Variants in FTO observed in about 807,000 individuals in gnomAD.
The protein encoded by FTO is FTO alpha-ketoglutarate dependent dioxygenase.
In FTO, 47 loss-of-function variants were observed where a neutral mutation model predicts 63.9. The observed-to-expected ratio is 0.74, with a 90% CI of 0.58 to 0.94. The LOEUF (loss-of-function observed/expected upper bound fraction) is 0.94, where lower values mean the gene tolerates loss of function less well. Among genes scored for constraint, FTO ranks in the 40% least tolerant of loss-of-function variants. The pLI is 0.00. For synonymous variants in FTO, 207 were observed against 224.4 expected, an observed-to-expected ratio of 0.92 and a Z score of 0.69; for missense variants, 562 against 618.1, an observed-to-expected ratio of 0.91 and a Z score of 0.96.
At chr16:53,917,887 G>A (rs906825832) in intron 7 of FTO, among the ~76,000 whole-genome samples, 1 of 152,146 alleles carries the variant, frequency 6.6e-6, no homozygotes, top group Non-Finnish European at 1.5e-5. Context: ...GACAAGTACA[G>A]CAACTCTGCC....
intron 8 of FTO, among the ~76,000 whole-genome samples, chr16:54,092,687 T>C (rs1166244068): frequency 3.9e-5 from 6 of 152,168 alleles, no homozygotes; most frequent in African/African-American, 1.4e-4. Flanking sequence ...ATAAATCACT[T>C]TAAGTTAGCA....
At chr16:53,720,201 A>G (rs2151486203) in intron 1 of FTO, among the ~76,000 whole-genome samples, 1 of 152,222 alleles carries the variant, frequency 6.6e-6, no homozygotes, top group African/African-American at 2.4e-5. Context: ...GGAGTTTCAC[A>G]TATGCCACTT....
chr16:53,956,354 C>T (rs1017060345), intron 8 of FTO, among the ~76,000 whole-genome samples: 2 of 151,880 alleles, frequency 1.3e-5, no homozygotes, highest in African/African-American at 4.8e-5. Flanking sequence ...AAAGAGTGCT[C>T]TGGGGAGTGG....
intron 8 of FTO, chr16:53,937,313 G>C: frequency 2.5e-6 from 1 of 398,610 alleles, no homozygotes; most frequent in African/African-American, 2.1e-5. Flanking sequence ...TAACAGAAGT[G>C]GGACAGAATT....
At chr16:54,084,382 G>A (rs2086215495) in intron 8 of FTO, among the ~76,000 whole-genome samples, 1 of 152,162 alleles carries the variant, frequency 6.6e-6, no homozygotes, top group African/African-American at 2.4e-5. Context: ...GATATTTGGG[G>A]GCTGGCCTAC....
At chr16:53,819,695 A>G (rs895483136) in intron 2 of FTO, among the ~76,000 whole-genome samples, 2 of 152,130 alleles carry the variant, frequency 1.3e-5, no homozygotes, top group African/African-American at 4.8e-5. Flanking sequence ...TCTTTTTCAA[A>G]AAGTTTATTG....
chr16:53,726,325 G>T (rs948650084), intron 1 of FTO, among the ~76,000 whole-genome samples: 1 of 152,130 alleles, frequency 6.6e-6, no homozygotes, highest in Non-Finnish European at 1.5e-5. Flanking sequence ...CCTTCTTAAA[G>T]ATTATTTTGT....
chr16:54,087,268 T>A (rs1255602214), intron 8 of FTO, among the ~76,000 whole-genome samples: 7 of 152,250 alleles, frequency 4.6e-5, no homozygotes, highest in Admixed American at 4.6e-4. Context: ...TGCATCTTTG[T>A]TGCTTTGACA....
At chr16:53,923,708 A>G (rs2082064928) in intron 7 of FTO, among the ~76,000 whole-genome samples, 1 of 151,600 alleles carries the variant, frequency 6.6e-6, no homozygotes, top group Non-Finnish European at 1.5e-5. Context: ...CTTGACAAGT[A>G]CATGGGGCTG....
intron 1 of FTO, among the ~76,000 whole-genome samples, chr16:53,759,252 A>G (rs529219185): frequency 1.3e-5 from 2 of 152,352 alleles, no homozygotes; most frequent in East Asian, 3.9e-4. Flanking sequence ...ACAGTTGAAG[A>G]CATTTGTCCA....
chr16:53,835,592 C>CT (rs1299353955), intron 3 of FTO, among the ~76,000 whole-genome samples: 2 of 151,912 alleles, frequency 1.3e-5, no homozygotes, highest in African/African-American at 4.8e-5. Flanking sequence ...TTTTATGTCG[C>CT]TTTTTTTGTT....
At chr16:53,836,063 G>T (rs1398030524) in intron 3 of FTO, among the ~76,000 whole-genome samples, 1 of 151,924 alleles carries the variant, frequency 6.6e-6, no homozygotes, top group Non-Finnish European at 1.5e-5. Flanking sequence ...GCAAATTTTT[G>T]TATTTTTAGT....
intron 1 of FTO, among the ~76,000 whole-genome samples, chr16:53,715,109 T>G (rs528831720): frequency 9.2e-5 from 14 of 152,234 alleles, no homozygotes; most frequent in African/African-American, 1.4e-4. Flanking sequence ...GACTGTCTAC[T>G]TACTATTGAA....
chr16:53,808,266 CA>C (rs776205979), intron 1 of FTO, among the ~76,000 whole-genome samples: 3 of 151,454 alleles, frequency 2.0e-5, no homozygotes, highest in Non-Finnish European at 4.4e-5. Context: ...CCCAGGAAGT[CA>C]AGGCTGCAGT....
At chr16:53,792,075 CAA>C (rs10606857) in intron 1 of FTO, among the ~76,000 whole-genome samples, 62,686 of 138,716 alleles carry the variant, frequency 0.45, 13,729 homozygotes, top group African/African-American at 0.5. Context: ...GACTTCGTCT[CAA>C]AAAAAAAAAA....
chr16:53,780,415 T>C (rs2077559397), intron 1 of FTO, among the ~76,000 whole-genome samples: 1 of 152,166 alleles, frequency 6.6e-6, no homozygotes, highest in South Asian at 2.1e-4. Context: ...GCGGTTTCCC[T>C]CTACCGCATC....
chr16:53,941,410 C>T (rs2082525913), intron 8 of FTO, among the ~76,000 whole-genome samples: 1 of 152,182 alleles, frequency 6.6e-6, no homozygotes, highest in Non-Finnish European at 1.5e-5. Context: ...CCTAAGGGAA[C>T]TTATATTTTG....
At chr16:53,888,320 C>T (rs1481743400) in intron 6 of FTO, among the ~76,000 whole-genome samples, 7 of 106,838 alleles carry the variant, frequency 6.6e-5, no homozygotes, top group Non-Finnish European at 1.3e-4. Context: ...CCTCTTGCCT[C>T]AGCCTCCCAA....
At chr16:53,889,011 C>T in intron 7 of FTO, 60 bp downstream of exon 7, 3 of 1,573,920 alleles carry the variant, frequency 1.9e-6, no homozygotes, top group Middle Eastern at 1.7e-4. Context: ...AAATCCTCCA[C>T]TGCCTCATTT....
Sources: gnomAD v4.1 joint callset for allele counts (sites outside exome capture counted in the v4.1 genomes callset) on GRCh38, gnomAD v4.1.1 for gene constraint, MANE v1.5 for transcripts, NCBI Gene and HGNC (gene_info 2026-07-23, HGNC 2026-07-21) for gene names.